C5AR1: variants seen among roughly 807,000 people sequenced by gnomAD.
C5AR1 encodes the protein C5a anaphylatoxin chemotactic receptor 1.
Under a neutral mutation model 2.4 loss-of-function variants are expected in C5AR1, and 4 were observed. The ratio of observed to expected loss-of-function variants is 1.65; its 90% confidence interval spans 0.81 to 3.77. C5AR1 has a LOEUF of 3.77. C5AR1 is among the 30% of genes most tolerant of loss of function. The pLI, the probability that C5AR1 is intolerant of heterozygous loss-of-function variation, is 0.01. For missense variants in C5AR1, 418 were observed against 462.5 expected, an observed-to-expected ratio of 0.90 and a Z score of 0.88; for synonymous variants, 209 against 210.4, an observed-to-expected ratio of 0.99 and a Z score of 0.06.
chr19:47,320,678 G>C lies in C5AR1; in HGVS notation c.901G>C (p.Val301Leu), dbSNP rs201592709. The C allele has an allele frequency of 2.1e-5, 34 of 1,614,116 alleles. No homozygotes were observed. The highest frequency in any genetic ancestry group is 2.8e-5 in the Non-Finnish European group (33 of 1,180,030). Reference protein sequence around the residue: ...INCCINPIIYVVAGQGFQGRL... With the variant: ...INCCINPIIYLVAGQGFQGRL... Reference sequence around the variant, plus strand: ...CTGCTGCATCAACCCCATCATCTACGTGGTGGCCGGCCAGGGCTTCCAGGG... The same window carrying C: ...CTGCTGCATCAACCCCATCATCTACCTGGTGGCCGGCCAGGGCTTCCAGGG... Residue 301 changes from valine (V) to leucine (L), a missense_variant, in exon 2 of 2, where the codon GTG (valine) becomes CTG (leucine). Coordinates refer to ENST00000355085, the MANE Select transcript of C5AR1 (RefSeq NM_001736.4). This position sits in a 1 kb window ranked among gnomAD's most constrained non-coding sequence, Gnocchi z 4.9.
Position 47,320,252 on chromosome 19 carries a change from G to T in C5AR1, c.475G>T (p.Val159Leu). The stretch of plus-strand genomic sequence containing the variant: ...TGGCTTGGCCTGGATCGCCTGTGCC[G>T]TGGCTTGGGGTTTAGCCCTGCTGCT... ...GAGLAWIACA[V>L]AWGLALLLTI... is the part of the protein sequence containing the mutation. The change falls in exon 2 of 2, where the codon GTG (valine) becomes TTG (leucine). Residue 159 changes from valine to leucine, a missense_variant. Val to Leu is a conservative substitution (Grantham distance 32, BLOSUM62 1). Coordinates refer to ENST00000355085, the MANE Select transcript of C5AR1 (RefSeq NM_001736.4). The surrounding 1 kb of genome is among the most constrained non-coding windows in gnomAD (Gnocchi z 4.9). 1 of 1,613,866 alleles carries T rather than the reference G, an allele frequency of 6.2e-7. No individual in the cohort carries two copies. The highest frequency in any genetic ancestry group is 8.5e-7 in the Non-Finnish European group (1 of 1,180,034).
At chr19:47,310,233 G>A (rs756120302) in intron 1 of C5AR1, among the ~76,000 whole-genome samples, 33 of 152,280 alleles carry the variant, frequency 2.2e-4, no homozygotes, top group Admixed American at 4.6e-4. Context: ...GCAGCCGAGC[G>A]CAGTGGGTCA....
At chr19:47,313,529 A>T (rs2059277160) in intron 1 of C5AR1, among the ~76,000 whole-genome samples, 1 of 151,392 alleles carries the variant, frequency 6.6e-6, no homozygotes, top group African/African-American at 2.4e-5. Flanking sequence ...TGGGTGGATC[A>T]CGAGGTCAGG....
Position 47,320,085 on chromosome 19 carries a change from C to T in C5AR1, c.308C>T (p.Pro103Leu), listed in dbSNP as rs1327233191. 1 of 1,614,192 alleles carries T rather than the reference C, an allele frequency of 6.2e-7. No individual in the cohort carries two copies. Among genetic ancestry groups the T allele is most frequent in the Admixed American group, 1.7e-5 (1 of 60,028 alleles). Residue 103 changes from proline to leucine, a missense_variant, in exon 2 of 2, where the codon CCC becomes CTC. Coordinates refer to ENST00000355085, the MANE Select transcript of C5AR1 (RefSeq NM_001736.4). The surrounding 1 kb of genome is among the most constrained non-coding windows in gnomAD (Gnocchi z 4.9). ...FTSIVQHHHW[P>L]FGGAACSILP... ...TCCATTGTACAGCATCACCACTGGCCCTTTGGCGGGGCCGCCTGCAGCATC... is the reference window on the plus strand; with the variant it reads ...TCCATTGTACAGCATCACCACTGGCTCTTTGGCGGGGCCGCCTGCAGCATC...
chr19:47,317,778 C>T (rs149438387), intron 1 of C5AR1, among the ~76,000 whole-genome samples: 4,939 of 151,742 alleles, frequency 0.033, 157 homozygotes, highest in East Asian at 0.14. Flanking sequence ...GTCAGGAGTT[C>T]GAGACCAGCC....
chr19:47,313,414 C>G lies in C5AR1; in HGVS notation c.3+3516C>G, dbSNP rs552362443. Among the ~76,000 whole-genome samples, 20 of 152,142 alleles carry G rather than the reference C, an allele frequency of 1.3e-4. No homozygotes were observed. In the East Asian group the frequency reaches 3.7e-3, roughly 28 times the overall value. ...TTTCTGCCTAGAATGCATGCCCCCC[C>G]ACTCCCAATGCACTTTAGGCCTGCC... is the stretch of plus-strand genomic sequence containing the variant. On this transcript the variant is annotated intron_variant, in intron 1 of 1. Transcript: ENST00000355085.
At chr19:47,318,586 A>T (rs951504037) in intron 1 of C5AR1, among the ~76,000 whole-genome samples, 3 of 152,020 alleles carry the variant, frequency 2.0e-5, no homozygotes, top group Non-Finnish European at 4.4e-5. Flanking sequence ...GCACCACCAC[A>T]CCTGGCCTGA....
rs749928978 is a variant in C5AR1 at position 47,320,131 on chromosome 19, CA to C, written c.356del (p.Asn119ThrfsTer45). On this transcript the variant is annotated frameshift_variant, in exon 2 of 2. Transcript: ENST00000355085. LOFTEE classifies it low-confidence loss of function (END_TRUNC). This position sits in a 1 kb window ranked among gnomAD's most constrained non-coding sequence, Gnocchi z 4.9. The stretch of plus-strand genomic sequence containing the variant: ...GCATCCTGCCCTCCCTCATCCTGCT[CA>C]ACATGTACGCCAGCATCCTGCTCCT... The part of the protein sequence containing the change: ...CSILPSLILL[N>X]MYASILLLAT... The C allele has an allele frequency of 4.9e-5, 79 of 1,614,078 alleles. No homozygotes were observed. Among genetic ancestry groups the C allele is most frequent in the Non-Finnish European group, 6.4e-5 (76 of 1,180,056 alleles).
At chr19:47,307,796 T>G (rs1213713031), upstream of C5AR1, 1 of 152,236 alleles carries the variant, frequency 6.6e-6, no homozygotes, top group Admixed American at 6.6e-5. Context: ...CTAGGAACCA[T>G]GCAGCATCGC....
intron 1 of C5AR1, chr19:47,316,324 C>T (rs2059288155): frequency 6.6e-6 from 1 of 152,132 alleles, no homozygotes; most frequent in Non-Finnish European, 1.5e-5. Context: ...ATCTCTCAAT[C>T]ATATCTCCAT....
chr19:47,313,267 C>T (rs903021308), intron 1 of C5AR1, among the ~76,000 whole-genome samples: 17 of 152,096 alleles, frequency 1.1e-4, no homozygotes, highest in Admixed American at 9.8e-4. Context: ...TGAGCCACCG[C>T]GCCTGGCGTC....
chr19:47,312,979 T>C (rs558862338), intron 1 of C5AR1, among the ~76,000 whole-genome samples: 1 of 152,110 alleles, frequency 6.6e-6, no homozygotes, highest in Admixed American at 6.6e-5. Flanking sequence ...ATTTGGTCTG[T>C]TTTGTTTTGT....
chr19:47,315,058 C>T (rs1406153229), intron 1 of C5AR1, among the ~76,000 whole-genome samples: 3 of 151,866 alleles, frequency 2.0e-5, no homozygotes, highest in African/African-American at 7.2e-5. Flanking sequence ...TGTTTTTTTC[C>T]TTTTTGTAGG....
At chr19:47,316,159 C>T (rs1210766581) in intron 1 of C5AR1, among the ~76,000 whole-genome samples, 1 of 151,868 alleles carries the variant, frequency 6.6e-6, no homozygotes. Context: ...GCACACACCA[C>T]TGGGCCCAGC....
chr19:47,317,688 G>T (rs2059294431), intron 1 of C5AR1, among the ~76,000 whole-genome samples: 2 of 150,780 alleles, frequency 1.3e-5, no homozygotes, highest in African/African-American at 4.9e-5. Context: ...GTGTTTTAAA[G>T]GTAGAAAAAC....
At chr19:47,319,386 C>A (rs1171296974) in intron 1 of C5AR1, among the ~76,000 whole-genome samples, 1 of 139,100 alleles carries the variant, frequency 7.2e-6, no homozygotes, top group African/African-American at 2.7e-5. Flanking sequence ...TCGGCTCACT[C>A]TAACCTCTGC....
intron 1 of C5AR1, among the ~76,000 whole-genome samples, chr19:47,315,273 C>G (rs1216868434): frequency 2.0e-5 from 3 of 152,298 alleles, no homozygotes; most frequent in African/African-American, 7.2e-5. Context: ...CTGGACATGT[C>G]AGTTATTTCC....
chr19:47,308,921 C>A (rs12609707), upstream of C5AR1, among the ~76,000 whole-genome samples: 1,073 of 152,074 alleles, frequency 7.1e-3, 17 homozygotes, highest in East Asian at 0.085. Context: ...ATTACAGGCA[C>A]CTGCCACCAC....
chr19:47,314,221 A>G (rs1482272661), intron 1 of C5AR1, among the ~76,000 whole-genome samples: 3 of 152,130 alleles, frequency 2.0e-5, no homozygotes, highest in African/African-American at 7.2e-5. Context: ...TGCTATTGTC[A>G]CATAGATATG....
Sources: gnomAD v4.1 joint callset for allele counts (sites outside exome capture counted in the v4.1 genomes callset) on GRCh38, gnomAD v4.1.1 for gene constraint, Gnocchi (gnomAD v3.1) non-coding constraint, MANE v1.5 for transcripts, NCBI Gene and HGNC (gene_info 2026-07-23, HGNC 2026-07-21) for gene names.